Variants in WSB2 observed in about 807,000 individuals in gnomAD.
WSB2 encodes WD repeat and SOCS box-containing protein 2.
A neutral mutation model predicts 48.8 loss-of-function variants in WSB2; 12 were observed. The ratio of observed to expected loss-of-function variants is 0.25; its 90% CI spans 0.16 to 0.40. WSB2 has a LOEUF of 0.40. WSB2 is among the 10% of genes least tolerant of loss of function. WSB2 has a pLI of 1.00. For missense variants in WSB2, 317 were observed against 506.2 expected, an observed-to-expected ratio of 0.63 and a Z score of 3.59; for synonymous variants, 191 against 203.1, an observed-to-expected ratio of 0.94 and a Z score of 0.51.
chr12:118,046,688 T>C (rs868584427), intron 2 of WSB2, among the ~76,000 whole-genome samples: 18 of 152,324 alleles, frequency 1.2e-4, no homozygotes, highest in Middle Eastern at 3.4e-3. Flanking sequence ...AGGCAGGCTA[T>C]GGGAAGAGGT....
rs993748421 is a variant in WSB2, at chr12:118,052,198, T to C, written c.182+112A>G. 27 of 1,408,308 alleles carry C rather than the reference T, an allele frequency of 1.9e-5. No homozygotes were observed. In the African/African-American group the frequency reaches 3.6e-4, roughly 19 times the overall value. 87.2% of individuals were successfully genotyped at this position (1,408,308 alleles called of 1,614,324 possible). Reference sequence around the variant, plus strand: ...GGCTCTGGAAACCCCCATGATCAATTCCTGAACCATGAGCCACCTTCCCTC... The same window carrying C: ...GGCTCTGGAAACCCCCATGATCAATCCCTGAACCATGAGCCACCTTCCCTC... On this transcript the variant is annotated intron_variant, in intron 2 of 8. Coordinates refer to ENST00000315436, the MANE Select transcript of WSB2 (RefSeq NM_018639.5).
At chr12:118,053,169 G>A (rs985808226) in intron 1 of WSB2, among the ~76,000 whole-genome samples, 14 of 151,908 alleles carry the variant, frequency 9.2e-5, no homozygotes, top group African/African-American at 1.5e-4. Context: ...GAAAGCTCCC[G>A]CCTGCCTACA....
chr12:118,051,309 A>G (rs2031848317), intron 2 of WSB2, among the ~76,000 whole-genome samples: 2 of 152,200 alleles, frequency 1.3e-5, no homozygotes, highest in African/African-American at 4.8e-5. Context: ...TAAACATAGA[A>G]AACACAGGTT....
chr12:118,044,164 G>T (rs1352861171), intron 2 of WSB2, among the ~76,000 whole-genome samples: 1 of 152,100 alleles, frequency 6.6e-6, no homozygotes, highest in African/African-American at 2.4e-5. Flanking sequence ...ACTGGCCATG[G>T]CTCAATCTAT....
At chr12:118,041,278 A>T (rs1376382946) in intron 4 of WSB2, among the ~76,000 whole-genome samples, 1 of 152,198 alleles carries the variant, frequency 6.6e-6, no homozygotes, top group East Asian at 1.9e-4. Context: ...TAGTGCCCTT[A>T]GAAGAAGAGA....
chr12:118,061,060 G>C lies in WSB2; in HGVS notation c.-12C>G. The C allele has an allele frequency of 1.0e-6, 1 of 984,046 alleles. No individual in the cohort carries two copies. The allele number at this position is 984,046 out of a possible 1,614,324, so 61.0% of individuals were successfully genotyped here. On this transcript the variant is annotated 5_prime_UTR_variant, in exon 1 of 9. Transcript: ENST00000315436. Reference sequence around the variant, plus strand: ...CCTCCGGCCTCCATGGAGGACGCGAGCGGCCCCCGCGGCAGGCGGCGGGCG... The same window carrying C: ...CCTCCGGCCTCCATGGAGGACGCGACCGGCCCCCGCGGCAGGCGGCGGGCG...
intron 1 of WSB2, among the ~76,000 whole-genome samples, chr12:118,057,939 T>A (rs1319468808): frequency 7.4e-6 from 1 of 136,042 alleles, no homozygotes; most frequent in Non-Finnish European, 1.6e-5. Flanking sequence ...TTTTTTTAAA[T>A]TAAATTTTTA....
At chr12:118,062,159 G>T, upstream of WSB2, 1 of 1,535,246 alleles carries the variant, frequency 6.5e-7, no homozygotes, top group South Asian at 1.2e-5. Flanking sequence ...CTGTCTACCC[G>T]CATAGCCTCA....
chr12:118,043,239 G>A lies in WSB2; in HGVS notation c.321C>T (p.Ser107=), dbSNP rs761163069. 1 of 1,614,246 alleles carries A rather than the reference G, an allele frequency of 6.2e-7. No individual in the cohort carries two copies. The highest frequency in any genetic ancestry group is 2.2e-5 in the East Asian group (1 of 44,886). The stretch of plus-strand genomic sequence containing the variant: ...GGTGGTGGCGTGCCCAGAGCTTCCT[G>A]CTGGGTGGGGAAGGCCACGGGCTGA... The part of the protein sequence containing the change: ...LAFSPWPSPP[S]RKLWARHHPQ... Residue 107 remains serine (S), a synonymous_variant, in exon 3 of 9, where the codon AGC becomes AGT. Coordinates refer to ENST00000315436, the MANE Select transcript of WSB2 (RefSeq NM_018639.5).
At chr12:118,048,632 TA>T (rs2031790396) in intron 2 of WSB2, among the ~76,000 whole-genome samples, 1 of 152,076 alleles carries the variant, frequency 6.6e-6, no homozygotes, top group Non-Finnish European at 1.5e-5. Context: ...ACTTCTCACT[TA>T]ACATATGAAA....
At chr12:118,055,474 C>CCA (rs1399644689) in intron 1 of WSB2, among the ~76,000 whole-genome samples, 2 of 152,004 alleles carry the variant, frequency 1.3e-5, no homozygotes, top group Non-Finnish European at 2.9e-5. Context: ...GCCTGTAATC[C>CCA]CAGTGCTCTG....
rs1204317674 is a variant in WSB2, at chr12:118,036,563, C to CA, written c.661-54dup. The CA allele has an allele frequency of 2.5e-5, 38 of 1,532,150 alleles. 1 individual carries two copies. The highest frequency in any genetic ancestry group is 7.8e-5 in the Admixed American group (4 of 51,526). The allele number at this position is 1,532,150 out of a possible 1,614,324, so 94.9% of individuals were successfully genotyped here. ...GGGCAGAAGCAAAGTGCTTAGGACT[C>CA]AAACGGAGGGAGGGAAAGGTACCAC... On this transcript the variant is annotated intron_variant, in intron 5 of 8. Coordinates refer to ENST00000315436, the MANE Select transcript of WSB2 (RefSeq NM_018639.5).
At chr12:118,043,101 C>T in intron 3 of WSB2, 32 bp downstream of exon 3, 1 of 1,614,052 alleles carries the variant, frequency 6.2e-7, no homozygotes, top group Non-Finnish European at 8.5e-7. Context: ...CCCGAGCCTC[C>T]CAGAACCTTG....
Position 118,058,007 on chromosome 12 carries a change from C to A in WSB2, c.13+3029G>T, listed in dbSNP as rs529636080. 5.5e-4 allele frequency among the ~76,000 whole-genome samples: 83 copies of A among 151,374 alleles called. 1 individual carries two copies. Among genetic ancestry groups the A allele is most frequent in the African/African-American group, 2.0e-3 (81 of 41,210 alleles). On this transcript the variant is annotated intron_variant, in intron 1 of 8. Coordinates refer to ENST00000315436, the MANE Select transcript of WSB2 (RefSeq NM_018639.5). ...CTGGTTTTGATCTCCTGAGCTCAAG[C>A]GATTCTCCTGCAGGCATGAGCCATT...
At chr12:118,059,465 T>C (rs1239000458) in intron 1 of WSB2, among the ~76,000 whole-genome samples, 2 of 152,294 alleles carry the variant, frequency 1.3e-5, no homozygotes, top group Non-Finnish European at 2.9e-5. Context: ...TAACCATTGC[T>C]CTGAAGATTT....
chr12:118,043,212 G>T lies in WSB2; in HGVS notation c.348C>A (p.Pro116=). The change falls in exon 3 of 9, where the codon CCC becomes CCA. Residue 116 remains proline (P), a synonymous_variant. Coordinates refer to ENST00000315436, the MANE Select transcript of WSB2 (RefSeq NM_018639.5). The part of the protein sequence containing the change: ...PSRKLWARHH[P]QVPDVSCLVL... ...CCAGGCAAGAGACATCGGGCACTTG[G>T]GGGTGGTGGCGTGCCCAGAGCTTCC... 1 of 1,614,236 alleles carries T rather than the reference G, an allele frequency of 6.2e-7. No individual in the cohort carries two copies. Among genetic ancestry groups the T allele is most frequent in the Non-Finnish European group, 8.5e-7 (1 of 1,180,040 alleles).
chr12:118,061,193 G>T, upstream of WSB2: 1 of 983,696 alleles, frequency 1.0e-6, no homozygotes, highest in Non-Finnish European at 1.2e-6. Context: ...GTCACATGGC[G>T]GTGGGCGCGG....
At chr12:118,043,797 G>GT (rs1012392836) in intron 2 of WSB2, among the ~76,000 whole-genome samples, 36 of 152,064 alleles carry the variant, frequency 2.4e-4, no homozygotes, top group Middle Eastern at 6.8e-3. Flanking sequence ...GAAATCTGCT[G>GT]TGACTTTTCT....
At chr12:118,051,484 CA>C (rs2031851856) in intron 2 of WSB2, among the ~76,000 whole-genome samples, 1 of 152,064 alleles carries the variant, frequency 6.6e-6, no homozygotes, top group Non-Finnish European at 1.5e-5. Flanking sequence ...ACTGTGAAAA[CA>C]TTATGTAAAA....
Sources: allele counts gnomAD v4.1 joint callset (sites outside exome capture counted in the v4.1 genomes callset), GRCh38; gene constraint gnomAD v4.1.1; transcripts MANE v1.5; gene names NCBI Gene and HGNC (gene_info 2026-07-23, HGNC 2026-07-21).